The following KIAA1549 variants were observed in gnomAD, a reference collection of about 807,000 sequenced individuals.
KIAA1549 encodes UPF0606 protein KIAA1549.
In KIAA1549, 70 loss-of-function variants were observed where a neutral mutation model predicts 156.4. That is an observed-to-expected ratio of 0.45 (90% CI 0.37 to 0.55). The LOEUF (loss-of-function observed/expected upper bound fraction) is 0.55, where lower values mean the gene tolerates loss of function less well. Ranked by LOEUF, KIAA1549 falls within the 20% of genes least tolerant of loss-of-function variation. The pLI is 0.00. For missense variants in KIAA1549, 2,428 were observed against 2,540.9 expected (o/e 0.96, Z 0.96); for synonymous variants, 1,103 against 1,066.4 (o/e 1.03, Z -0.67).
In KIAA1549 at chr7:138,931,752, C is replaced by CAA. The variant is rs71169066; in HGVS notation, c.188-12316_188-12315dup. Among the ~76,000 whole-genome samples, 911 of 101,114 alleles carry CAA rather than the reference C, an allele frequency of 9.0e-3. 23 individuals carry two copies. Among genetic ancestry groups the CAA allele is most frequent in the African/African-American group, 0.024 (802 of 34,004 alleles). 66.3% of individuals were successfully genotyped at this position (101,114 alleles called of 152,430 possible). On this transcript the variant is annotated intron_variant, in intron 1 of 19. Transcript: ENST00000422774. ...GGGTGACAGAGCAAAAGTCCCATCTCAAAAAAAAAAAAAAAAAAAAAGAAG... is the reference window on the plus strand; with the variant it reads ...GGGTGACAGAGCAAAAGTCCCATCTCAAAAAAAAAAAAAAAAAAAAAAAGAAG...
In KIAA1549 at chr7:138,832,748, C is replaced by A. The variant is rs1809575362; in HGVS notation, c.*5158G>T. The A allele has an allele frequency of 9.0e-6, 2 of 221,010 alleles. No individual in the cohort carries two copies. Among genetic ancestry groups the A allele is most frequent in the South Asian group, 1.8e-4 (1 of 5,412 alleles). The allele number at this position is 221,010 out of a possible 1,614,324, so 13.7% of individuals were successfully genotyped here. On this transcript the variant is annotated 3_prime_UTR_variant, in exon 20 of 20. Transcript: ENST00000422774. ...AGATAAATTATCAAGCCTACTGTCACACACACAAGCATGGACTTAGCAATG... is the reference window on the plus strand; with the variant it reads ...AGATAAATTATCAAGCCTACTGTCAAACACACAAGCATGGACTTAGCAATG...
chr7:138,892,090 G>A (rs1317463557), intron 10 of KIAA1549, among the ~76,000 whole-genome samples: 2 of 152,158 alleles, frequency 1.3e-5, no homozygotes, highest in East Asian at 3.8e-4. Context: ...GACCTTTTCT[G>A]TAAACCTGTT....
In KIAA1549 at chr7:138,871,146, A is replaced by C. The variant is rs1021468151; in HGVS notation, c.4551+11T>G. On this transcript the variant is annotated intron_variant, in intron 13 of 19. Coordinates refer to ENST00000422774, the MANE Select transcript of KIAA1549 (RefSeq NM_001164665.2). ...TTTTTAAGTAACAGACTTTTAAATA[A>C]AAGCAAATACCTCTTTGTTGATTTT... The C allele has an allele frequency of 6.2e-7, 1 of 1,609,010 alleles. No individual in the cohort carries two copies. Among genetic ancestry groups the C allele is most frequent in the Non-Finnish European group, 8.5e-7 (1 of 1,179,654 alleles).
At chr7:138,928,822 C>T (rs147660747) in intron 1 of KIAA1549, among the ~76,000 whole-genome samples, 2,314 of 152,098 alleles carry the variant, frequency 0.015, 63 homozygotes, top group African/African-American at 0.053. Context: ...AGTTAATGGG[C>T]GCAGCACACC....
intron 17 of KIAA1549, among the ~76,000 whole-genome samples, chr7:138,845,942 A>T (rs1312403406): frequency 1.3e-5 from 2 of 152,200 alleles, no homozygotes; most frequent in Non-Finnish European, 2.9e-5. Flanking sequence ...TCAAGTAAAA[A>T]GCACAAAAGC....
intron 10 of KIAA1549, among the ~76,000 whole-genome samples, chr7:138,887,252 C>CT (rs1176416016): frequency 6.6e-6 from 1 of 151,872 alleles, no homozygotes; most frequent in Non-Finnish European, 1.5e-5. Flanking sequence ...TTATTAAGCA[C>CT]TTGTGTAAAT....
intron 10 of KIAA1549, among the ~76,000 whole-genome samples, chr7:138,891,432 T>G (rs1000562265): frequency 3.3e-5 from 5 of 152,222 alleles, no homozygotes; most frequent in African/African-American, 4.8e-5. Context: ...GGCTGGAGTT[T>G]TTTAGGCAAC....
At position 138,972,016 on chromosome 7, in the gene KIAA1549, G is replaced by C. The variant is rs141890806; in HGVS notation, c.187+9067C>G. ...ACTGGAGGAAGTGAGAGGAGAAGTA[G>C]AGGTCGTGACAGTCACCTGGAGAAA... is the stretch of plus-strand genomic sequence containing the variant. On this transcript the variant is annotated intron_variant, in intron 1 of 19. Transcript: ENST00000422774. Among the ~76,000 whole-genome samples the C allele has an allele frequency of 7.9e-5, 12 of 152,278 alleles. No individual in the cohort carries two copies. The East Asian group carries it at 2.3e-3, about 29-fold the overall frequency.
At position 138,879,580 on chromosome 7, in the gene KIAA1549, C is replaced by T; in HGVS notation, c.4303G>A (p.Gly1435Arg). The T allele has an allele frequency of 5.7e-6, 9 of 1,569,400 alleles. No homozygotes were observed. The highest frequency in any genetic ancestry group is 7.8e-6 in the Non-Finnish European group (9 of 1,156,920). Residue 1435 changes from glycine to arginine, a missense_variant, in exon 12 of 20, where the codon GGA becomes AGA. Gly to Arg is a moderately radical substitution (Grantham distance 125, BLOSUM62 -2). Transcript: ENST00000422774. ...TGGGACCTGCCATCGTTGACGGCTCCCGGCGTCTTATCTCCTGCGTCCCTC... is the reference window on the plus strand; with the variant it reads ...TGGGACCTGCCATCGTTGACGGCTCTCGGCGTCTTATCTCCTGCGTCCCTC... ...SERDAGDKTP[G>R]AVNDGRSHRA...
chr7:138,924,747 G>A (rs559853965), intron 1 of KIAA1549, among the ~76,000 whole-genome samples: 182 of 152,264 alleles, frequency 1.2e-3, no homozygotes, highest in African/African-American at 4.1e-3. Context: ...TAACTCAGGA[G>A]GAGACTAGAA....
At chr7:138,872,045 A>T (rs1563057574) in intron 12 of KIAA1549, among the ~76,000 whole-genome samples, 1 of 152,138 alleles carries the variant, frequency 6.6e-6, no homozygotes. Context: ...CTGGATAGTG[A>T]TTCTCCTGCC....
chr7:138,844,235 A>G, intron 18 of KIAA1549, 82 bp downstream of exon 18: 1 of 1,501,718 alleles, frequency 6.7e-7, no homozygotes, highest in Non-Finnish European at 9.2e-7. Flanking sequence ...CTGCACACTG[A>G]CACTCTGAGA....
In KIAA1549 at chr7:138,919,444, A is replaced by G. The variant is rs2130484547; in HGVS notation, c.188-6T>C. 6.2e-7 allele frequency: 1 copy of G among 1,610,674 alleles called. No homozygotes were observed. The highest frequency in any genetic ancestry group is 1.1e-5 in the South Asian group (1 of 90,600). On this transcript the variant is annotated splice_region_variant and splice_polypyrimidine_tract_variant and intron_variant, in intron 1 of 19. Coordinates refer to ENST00000422774, the MANE Select transcript of KIAA1549 (RefSeq NM_001164665.2). ...CTGTTCCGGAGAGAGCTCATCTATC[A>G]AGAAAATCAGAGCTGGGTTAGTGCA...
chr7:138,884,953 T>G (rs1434592421), intron 10 of KIAA1549, among the ~76,000 whole-genome samples: 3 of 152,252 alleles, frequency 2.0e-5, no homozygotes, highest in Admixed American at 6.5e-5. Context: ...CCCAACACTT[T>G]GGGAGGCTGA....
chr7:138,856,198 A>ATT (rs35974085), intron 16 of KIAA1549, among the ~76,000 whole-genome samples: 1 of 144,156 alleles, frequency 6.9e-6, no homozygotes. Context: ...CGCCCAGCGA[A>ATT]TTTTTTTTTT....
At position 138,834,875 on chromosome 7, in the gene KIAA1549, G is replaced by T. The variant is rs1809659104; in HGVS notation, c.*3031C>A. On this transcript the variant is annotated 3_prime_UTR_variant, in exon 20 of 20. Transcript: ENST00000422774. Reference sequence around the variant, plus strand: ...CTGATTCTCACAACTACGGTGCCTGGGAGGTGGCGGGGGAGGTCTGTTCTT... The same window carrying T: ...CTGATTCTCACAACTACGGTGCCTGTGAGGTGGCGGGGGAGGTCTGTTCTT... 1 of 231,844 alleles carries T rather than the reference G, an allele frequency of 4.3e-6. No individual in the cohort carries two copies. The highest frequency in any genetic ancestry group is 2.2e-5 in the African/African-American group (1 of 45,308). 14.4% of individuals were successfully genotyped at this position (231,844 alleles called of 1,614,324 possible). A position where few individuals can be genotyped will look rare whatever the true frequency, so the allele number is the denominator to read the frequency against.
chr7:138,880,248 T>C lies in KIAA1549; in HGVS notation c.4230-595A>G, dbSNP rs185092192. On this transcript the variant is annotated intron_variant, in intron 11 of 19. Coordinates refer to ENST00000422774, the MANE Select transcript of KIAA1549 (RefSeq NM_001164665.2). ...CAAGACATTCTGGTGCCCAGAAAGATGCTAAAACATTGTATTAACCATGCA... is the reference window on the plus strand; with the variant it reads ...CAAGACATTCTGGTGCCCAGAAAGACGCTAAAACATTGTATTAACCATGCA... Among the ~76,000 whole-genome samples the C allele has an allele frequency of 1.4e-4, 22 of 152,292 alleles. No individual in the cohort carries two copies. In the East Asian group the frequency reaches 3.7e-3, roughly 25 times the overall value.
intron 1 of KIAA1549, among the ~76,000 whole-genome samples, chr7:138,929,650 C>A (rs967185414): frequency 2.0e-5 from 3 of 152,132 alleles, no homozygotes; most frequent in African/African-American, 7.2e-5. Flanking sequence ...CTACCTATGG[C>A]AGCTATATAG....
rs373317519 is a variant in KIAA1549 at position 138,917,692 on chromosome 7, G to C, written c.1934C>G (p.Pro645Arg). The part of the protein sequence containing the change: ...SGSISSPSEA[P>R]ASLSLMPSDL... ...ACTCGGCATCAGAGACAGAGACGCA[G>C]GTGCTTCCGAAGGCGAAGAGATGGA... Residue 645 changes from proline to arginine, a missense_variant, in exon 2 of 20, where the codon CCT becomes CGT. Pro to Arg is a moderately radical substitution (Grantham distance 103, BLOSUM62 -2). This residue lies in a region of KIAA1549 where 893 missense variants were observed against 847.9 expected (regional missense o/e 1.05). Coordinates refer to ENST00000422774, the MANE Select transcript of KIAA1549 (RefSeq NM_001164665.2). 3 of 1,607,988 alleles carry C rather than the reference G, an allele frequency of 1.9e-6. No homozygotes were observed. The African/African-American group carries it at 4.0e-5, about 22-fold the overall frequency.
Sources: gnomAD v4.1 joint callset for allele counts (sites outside exome capture counted in the v4.1 genomes callset) on GRCh38, gnomAD v4.1.1 for gene constraint, gnomAD v4.1.1 regional missense constraint, MANE v1.5 for transcripts, NCBI Gene and HGNC (gene_info 2026-07-23, HGNC 2026-07-21) for gene names.